CEP76: variants seen among roughly 807,000 people sequenced by gnomAD.
The protein encoded by CEP76 is centrosomal protein 76.
Under a neutral mutation model 83.3 loss-of-function variants are expected in CEP76, and 55 were observed. That is an observed-to-expected ratio of 0.66 (90% CI 0.53 to 0.83). The LOEUF (loss-of-function observed/expected upper bound fraction) is 0.83. Ranked by LOEUF, CEP76 falls within the 40% of genes least tolerant of loss-of-function variation. The pLI is 0.00. For synonymous variants in CEP76, 270 were observed against 274.5 expected (o/e 0.98, Z 0.16); for missense variants, 694 against 799.5 (o/e 0.87, Z 1.59).
At chr18:12,664,264 C>T (rs1220017811) in intron 12 of CEP76, among the ~76,000 whole-genome samples, 1 of 152,170 alleles carries the variant, frequency 6.6e-6, no homozygotes, top group Non-Finnish European at 1.5e-5. Flanking sequence ...TTTTTGTAGG[C>T]CGGGCATGGT....
chr18:12,682,895 T>C (rs543450939), intron 8 of CEP76, among the ~76,000 whole-genome samples: 6 of 152,238 alleles, frequency 3.9e-5, no homozygotes, highest in African/African-American at 1.4e-4. Context: ...GTGCTGCGAT[T>C]ACAGGCATGA....
chr18:12,698,195 T>C (rs1050265886), intron 4 of CEP76, among the ~76,000 whole-genome samples: 5 of 151,598 alleles, frequency 3.3e-5, no homozygotes, highest in Admixed American at 2.6e-4. Flanking sequence ...TAAAAATTTA[T>C]TAGAAGTTTT....
Position 12,697,367 on chromosome 18 carries a change from T to C in CEP76, c.562A>G (p.Ile188Val), listed in dbSNP as rs1055160676. ...RMADSTTMLS[I>V]SDPIHMVLIK... is the part of the protein sequence containing the mutation. ...AGCACCATATGAATTGGATCACTTA[T>C]TGATAACATTGTTGTTGAATCAGCC... is the stretch of plus-strand genomic sequence containing the variant. The change falls in exon 5 of 12, where the codon ATA becomes GTA. Residue 188 changes from isoleucine (I) to valine (V), a missense_variant. Physicochemically the swap from Ile to Val is conservative, Grantham distance 29. Transcript: ENST00000262127. 3.1e-6 allele frequency: 5 copies of C among 1,612,866 alleles called. No individual in the cohort carries two copies. Among genetic ancestry groups the C allele is most frequent in the East Asian group, 2.2e-5 (1 of 44,836 alleles).
rs747411650 is a variant in CEP76, at chr18:12,686,327, CAG to C, written c.1055_1056del (p.Pro352ArgfsTer7). The C allele has an allele frequency of 4.0e-5, 64 of 1,614,138 alleles. No homozygotes were observed. Among genetic ancestry groups the C allele is most frequent in the Non-Finnish European group, 4.9e-5 (58 of 1,180,014 alleles). ...TCCTGTTTACCTCCTCCTCCAATAACAGGGGCTCGTTCATAACCAAGGACATT... is the reference window on the plus strand; with the variant it reads ...TCCTGTTTACCTCCTCCTCCAATAACGGGCTCGTTCATAACCAAGGACATT... ...FVNVLGYERA[P>X]VIGGGGKQEQ... On this transcript the variant is annotated frameshift_variant, in exon 8 of 12. Transcript: ENST00000262127. LOFTEE classifies it high-confidence loss of function.
intron 11 of CEP76, 59 bp downstream of exon 11, chr18:12,674,477 G>A (rs1320171167): frequency 8.0e-7 from 1 of 1,253,338 alleles, no homozygotes; most frequent in Admixed American, 1.9e-5. Flanking sequence ...AAAAACCCCT[G>A]CCGGACTGAT....
intron 11 of CEP76, among the ~76,000 whole-genome samples, chr18:12,673,741 T>C (rs951995476): frequency 4.6e-5 from 7 of 151,908 alleles, no homozygotes; most frequent in African/African-American, 1.7e-4. Context: ...ATTAGCCGCG[T>C]GTGGTGGCGG....
intron 12 of CEP76, chr18:12,663,521 C>T (rs1016695995): frequency 6.6e-6 from 1 of 152,172 alleles, no homozygotes; most frequent in African/African-American, 2.4e-5. Flanking sequence ...AATCCACCCA[C>T]CTCTTCCTCC....
chr18:12,699,914 G>T lies in CEP76; in HGVS notation c.220-9C>A. ...TCTTGCTCAACACTGTCCTAGAAAG[G>T]CAGGAAAAAAAAATCAAAACAAATT... is the stretch of plus-strand genomic sequence containing the variant. On this transcript the variant is annotated splice_polypyrimidine_tract_variant and intron_variant, in intron 2 of 11. Coordinates refer to ENST00000262127, the MANE Select transcript of CEP76 (RefSeq NM_024899.4). 6.5e-7 allele frequency: 1 copy of T among 1,549,438 alleles called. No homozygotes were observed. Among genetic ancestry groups the T allele is most frequent in the Non-Finnish European group, 8.7e-7 (1 of 1,146,530 alleles).
At position 12,702,523 on chromosome 18, in the gene CEP76, G is replaced by T; in HGVS notation, c.26C>A (p.Ser9Tyr). The change falls in exon 1 of 12, where the codon TCC becomes TAC. Residue 9 changes from serine (S) to tyrosine (Y), a missense_variant. Coordinates refer to ENST00000262127, the MANE Select transcript of CEP76 (RefSeq NM_024899.4). Reference sequence around the variant, plus strand: ...CTGGTGGATGAGCTGCTTCAGCTCGGAGGCTTTCTCCGGAGGCAGCGACAT... The same window carrying T: ...CTGGTGGATGAGCTGCTTCAGCTCGTAGGCTTTCTCCGGAGGCAGCGACAT... MSLPPEKA[S>Y]ELKQLIHQQL... 4.3e-6 allele frequency: 7 copies of T among 1,609,458 alleles called. No homozygotes were observed. Among genetic ancestry groups the T allele is most frequent in the Non-Finnish European group, 5.1e-6 (6 of 1,178,834 alleles).
chr18:12,687,207 G>A (rs1259899417), intron 7 of CEP76, among the ~76,000 whole-genome samples: 2 of 152,054 alleles, frequency 1.3e-5, no homozygotes, highest in Non-Finnish European at 2.9e-5. Context: ...CCCTGATAGG[G>A]TTCCTCAGGA....
chr18:12,682,611 C>A (rs1480544012), intron 8 of CEP76, among the ~76,000 whole-genome samples: 2 of 151,804 alleles, frequency 1.3e-5, no homozygotes, highest in Non-Finnish European at 2.9e-5. Flanking sequence ...ATGTAATAAC[C>A]AATCTTTTAT....
intron 8 of CEP76, among the ~76,000 whole-genome samples, chr18:12,682,493 A>G (rs1432439067): frequency 1.3e-5 from 2 of 151,646 alleles, no homozygotes; most frequent in Non-Finnish European, 2.9e-5. Flanking sequence ...CTGGCCAAGA[A>G]ATTTCTTTCT....
downstream of CEP76, among the ~76,000 whole-genome samples, chr18:12,671,635 ACACT>A (rs2038945456): frequency 2.2e-5 from 3 of 134,908 alleles, no homozygotes; most frequent in Non-Finnish European, 4.7e-5. Flanking sequence ...ATCAGGTTTC[ACACT>A]TTCTTTTTTT....
At chr18:12,680,883 A>C in intron 8 of CEP76, 55 bp from the exon 9 acceptor site, 1 of 1,403,476 alleles carries the variant, frequency 7.1e-7, no homozygotes, top group Non-Finnish European at 9.7e-7. Flanking sequence ...TCCTCATTAC[A>C]TACTTAAATA....
At chr18:12,695,391 C>T (rs1179980429) in intron 5 of CEP76, 40 bp from the exon 6 acceptor site, 1 of 991,702 alleles carries the variant, frequency 1.0e-6, no homozygotes, top group Non-Finnish European at 1.5e-6. Context: ...GATTTCAATA[C>T]TATATATATT....
chr18:12,674,844 C>A, intron 10 of CEP76, 91 bp from the exon 11 acceptor site: 1 of 672,648 alleles, frequency 1.5e-6, no homozygotes. Context: ...TAATGTATAC[C>A]AAGAAAAGAT....
At chr18:12,668,732 TC>T (rs1368094031), downstream of CEP76, among the ~76,000 whole-genome samples, 3 of 138,028 alleles carry the variant, frequency 2.2e-5, no homozygotes, top group Non-Finnish European at 4.7e-5. Context: ...TACACTTTAT[TC>T]CTTTTTTTTT....
chr18:12,665,822 C>G (rs1171734394), intron 12 of CEP76, among the ~76,000 whole-genome samples: 5 of 152,210 alleles, frequency 3.3e-5, no homozygotes, highest in South Asian at 4.1e-4. Context: ...CTCAGCCTCC[C>G]GAGTAGCTGC....
At chr18:12,671,475 A>G (rs2038940675), downstream of CEP76, among the ~76,000 whole-genome samples, 1 of 152,064 alleles carries the variant, frequency 6.6e-6, no homozygotes, top group Non-Finnish European at 1.5e-5. Context: ...GAAAAGAACT[A>G]TGCACAGAAG....
Sources: allele counts gnomAD v4.1 joint callset (sites outside exome capture counted in the v4.1 genomes callset), GRCh38; gene constraint gnomAD v4.1.1; transcripts MANE v1.5; gene names NCBI Gene and HGNC (gene_info 2026-07-23, HGNC 2026-07-21).